Variants in MAF observed in about 807,000 individuals in gnomAD.
MAF encodes the protein MAF bZIP transcription factor.
Under a neutral mutation model 22.0 loss-of-function variants are expected in MAF, and 10 were observed. That is an observed-to-expected ratio of 0.45 (90% CI 0.28 to 0.77). The LOEUF is 0.77. Ranked by LOEUF, MAF falls within the 30% of genes least tolerant of loss-of-function variation. MAF has a pLI of 0.12. For synonymous variants in MAF, 337 were observed against 255.8 expected (o/e 1.32, Z -3.03); for missense variants, 544 against 548.4 (o/e 0.99, Z 0.08).
the MAF span, among the ~76,000 whole-genome samples, chr16:79,322,526 T>A: frequency 2.0e-5 from 3 of 152,138 alleles, no homozygotes; most frequent in African/African-American, 7.2e-5. Flanking sequence ...AAAACTATAT[T>A]AAATACCTCC....
intron 1 of MAF, 32 bp downstream of exon 1, chr16:79,598,753 G>T (rs763851749): frequency 1.2e-6 from 2 of 1,613,544 alleles, no homozygotes; most frequent in Non-Finnish European, 1.7e-6. Flanking sequence ...CACTTATCAG[G>T]GTGGCTAGCT....
At chr16:79,591,862 C>T (rs1043208149), downstream of MAF, among the ~76,000 whole-genome samples, 1 of 152,214 alleles carries the variant, frequency 6.6e-6, no homozygotes, top group South Asian at 2.1e-4. Context: ...CAGACTGATA[C>T]ATTTATAAAT....
the MAF span, among the ~76,000 whole-genome samples, chr16:79,447,431 A>T: frequency 6.6e-6 from 1 of 152,164 alleles, no homozygotes; most frequent in Non-Finnish European, 1.5e-5. Context: ...AAGGTGATGG[A>T]TGTTGTTTTC....
chr16:79,493,107 A>G, the MAF span, among the ~76,000 whole-genome samples: 4 of 150,570 alleles, frequency 2.7e-5, no homozygotes, highest in African/African-American at 9.7e-5. Flanking sequence ...ACAGGTGTGC[A>G]CTACCATGCT....
the MAF span, among the ~76,000 whole-genome samples, chr16:79,274,254 CT>C: frequency 0.89 from 129,924 of 146,234 alleles, 57,642 homozygotes; most frequent in East Asian, 0.99. Flanking sequence ...TTTGCCCAGC[CT>C]TTTTTTTTTT....
chr16:79,573,801 A>C, the MAF span, among the ~76,000 whole-genome samples: 1 of 152,246 alleles, frequency 6.6e-6, no homozygotes, highest in African/African-American at 2.4e-5. Context: ...AAGGAAACTT[A>C]GTCTGCAAAA....
chr16:79,391,518 G>A, the MAF span, among the ~76,000 whole-genome samples: 3 of 152,154 alleles, frequency 2.0e-5, no homozygotes, highest in Non-Finnish European at 2.9e-5. Context: ...AGGAAATGGT[G>A]TAAAAATGAG....
At chr16:79,265,928 G>A in the MAF span, among the ~76,000 whole-genome samples, 4 of 152,136 alleles carry the variant, frequency 2.6e-5, no homozygotes, top group South Asian at 2.1e-4. Flanking sequence ...TCACAGGTGG[G>A]GAGTGTCTAC....
chr16:79,214,613 G>A, the MAF span, among the ~76,000 whole-genome samples: 1 of 150,602 alleles, frequency 6.6e-6, no homozygotes, highest in Non-Finnish European at 1.5e-5. Context: ...CACTATGTTG[G>A]CCAGGCTGGT....
chr16:79,364,221 T>C, the MAF span, among the ~76,000 whole-genome samples: 1 of 152,088 alleles, frequency 6.6e-6, no homozygotes, highest in Non-Finnish European at 1.5e-5. Flanking sequence ...GGGATGTGAA[T>C]TTTAGAAAAC....
At chr16:79,389,355 G>C in the MAF span, among the ~76,000 whole-genome samples, 1 of 152,116 alleles carries the variant, frequency 6.6e-6, no homozygotes, top group African/African-American at 2.4e-5. Flanking sequence ...TCTGCCTCCT[G>C]GGTTCAAGTG....
the MAF span, among the ~76,000 whole-genome samples, chr16:79,324,702 A>G: frequency 6.6e-6 from 1 of 152,148 alleles, no homozygotes; most frequent in South Asian, 2.1e-4. Context: ...GGCACAGGCG[A>G]CAGTCAGACG....
At chr16:79,434,093 A>T in the MAF span, among the ~76,000 whole-genome samples, 33 of 152,328 alleles carry the variant, frequency 2.2e-4, 1 homozygote, top group South Asian at 6.8e-3. Context: ...GCTTTGACAT[A>T]AATGTCACTC....
chr16:79,363,195 G>A, the MAF span, among the ~76,000 whole-genome samples: 4 of 152,016 alleles, frequency 2.6e-5, no homozygotes, highest in African/African-American at 9.7e-5. Context: ...GATGAACAAG[G>A]GTAGGGGGGT....
chr16:79,335,572 G>A, the MAF span, among the ~76,000 whole-genome samples: 1 of 152,160 alleles, frequency 6.6e-6, no homozygotes, highest in Non-Finnish European at 1.5e-5. Context: ...AGGCAGGTCG[G>A]GGGTCAGCCA....
chr16:79,587,459 C>G (rs908429541), intron 1 of MAF, among the ~76,000 whole-genome samples: 22 of 151,800 alleles, frequency 1.4e-4, no homozygotes, highest in Admixed American at 1.4e-3. Flanking sequence ...ACAACAGAGT[C>G]TTTTAGAAAC....
chr16:79,513,735 CAT>C, the MAF span, among the ~76,000 whole-genome samples: 1 of 152,122 alleles, frequency 6.6e-6, no homozygotes, highest in African/African-American at 2.4e-5. Flanking sequence ...ATAAATGAAA[CAT>C]ATGTTTAAAA....
the MAF span, among the ~76,000 whole-genome samples, chr16:79,411,445 A>G: frequency 2.0e-5 from 3 of 152,282 alleles, no homozygotes; most frequent in African/African-American, 7.2e-5. Context: ...GTGTCATTCA[A>G]ACAGGCCTCT....
chr16:79,296,196 G>A, the MAF span, among the ~76,000 whole-genome samples: 1 of 152,200 alleles, frequency 6.6e-6, no homozygotes, highest in Non-Finnish European at 1.5e-5. Context: ...TATATACGAA[G>A]CAAGTACCTA....
Sources: gnomAD v4.1 joint callset for allele counts (sites outside exome capture counted in the v4.1 genomes callset) on GRCh38, gnomAD v4.1.1 for gene constraint, MANE v1.5 for transcripts, NCBI Gene and HGNC (gene_info 2026-07-23, HGNC 2026-07-21) for gene names.